HOMER2: variants seen among roughly 807,000 people sequenced by gnomAD.
HOMER2 encodes homer scaffold protein 2, also known as homer protein homolog 2.
Under a neutral mutation model 47.0 loss-of-function variants are expected in HOMER2, and 27 were observed. The ratio of observed to expected loss-of-function variants is 0.57; its 90% confidence interval spans 0.42 to 0.79. The LOEUF (loss-of-function observed/expected upper bound fraction) is 0.79, where lower values mean the gene tolerates loss of function less well. HOMER2 is among the 30% of genes least tolerant of loss of function. The pLI, the probability that HOMER2 is intolerant of heterozygous loss-of-function variation, is 0.00. For missense variants in HOMER2, 443 were observed against 435.0 expected, an observed-to-expected ratio of 1.02 and a Z score of -0.16; for synonymous variants, 161 against 163.8, an observed-to-expected ratio of 0.98 and a Z score of 0.13.
intron 1 of HOMER2, among the ~76,000 whole-genome samples, chr15:82,901,948 C>T (rs946575223): frequency 6.6e-6 from 1 of 152,200 alleles, no homozygotes; most frequent in African/African-American, 2.4e-5. Flanking sequence ...CAGGTGTATT[C>T]TTGCTCTGAC....
intron 2 of HOMER2, among the ~76,000 whole-genome samples, chr15:82,877,457 C>T (rs2052388429): frequency 1.3e-5 from 2 of 152,124 alleles, no homozygotes; most frequent in Non-Finnish European, 1.5e-5. Flanking sequence ...TCGTGAACCA[C>T]CGCACCTGGC....
At chr15:82,856,807 G>A (rs902716982) in intron 5 of HOMER2, among the ~76,000 whole-genome samples, 1 of 152,176 alleles carries the variant, frequency 6.6e-6, no homozygotes, top group Non-Finnish European at 1.5e-5. Context: ...AGCTGAGTTG[G>A]AGAGCTGGGG....
chr15:82,934,663 C>T (rs191936746), intron 1 of HOMER2, among the ~76,000 whole-genome samples: 1 of 152,300 alleles, frequency 6.6e-6, no homozygotes, highest in South Asian at 2.1e-4. Flanking sequence ...ATCCTGCCCC[C>T]CTGCCTGGCC....
chr15:82,938,034 A>G (rs2054179488), intron 1 of HOMER2, among the ~76,000 whole-genome samples: 1 of 152,056 alleles, frequency 6.6e-6, no homozygotes, highest in South Asian at 2.1e-4. Context: ...TTCTTGATCT[A>G]CCCTCCGGTT....
At chr15:82,869,097 A>C (rs866555167) in intron 3 of HOMER2, among the ~76,000 whole-genome samples, 1 of 152,334 alleles carries the variant, frequency 6.6e-6, no homozygotes, top group Middle Eastern at 3.4e-3. Context: ...GCTCCTCTCG[A>C]CACACTGCCT....
At chr15:82,875,812 CCA>C (rs1487138930) in intron 2 of HOMER2, among the ~76,000 whole-genome samples, 1 of 152,210 alleles carries the variant, frequency 6.6e-6, no homozygotes, top group African/African-American at 2.4e-5. Flanking sequence ...ACCTGGAGCC[CCA>C]GTGTCCAACT....
At chr15:82,862,560 T>C (rs961388652) in intron 4 of HOMER2, among the ~76,000 whole-genome samples, 6 of 152,176 alleles carry the variant, frequency 3.9e-5, no homozygotes, top group Non-Finnish European at 8.8e-5. Context: ...AAAGATAGTA[T>C]ATTAGAAACT....
chr15:82,927,753 G>A (rs1017929600), intron 1 of HOMER2, among the ~76,000 whole-genome samples: 3 of 152,006 alleles, frequency 2.0e-5, no homozygotes, highest in Admixed American at 6.6e-5. Flanking sequence ...GGTGGATCAC[G>A]TGAAGTCAGG....
At chr15:82,835,315 T>G (rs993916985), downstream of HOMER2, 2 of 152,134 alleles carry the variant, frequency 1.3e-5, no homozygotes, top group Non-Finnish European at 2.9e-5. Flanking sequence ...TTAGTAGAGA[T>G]GGGGTTTCAC....
chr15:82,882,651 A>G (rs1340975801), intron 2 of HOMER2, among the ~76,000 whole-genome samples: 1 of 152,224 alleles, frequency 6.6e-6, no homozygotes, highest in Non-Finnish European at 1.5e-5. Context: ...CTGCTTCCAG[A>G]AGGAGGAGAG....
rs557230478 is a variant in HOMER2 at position 82,976,551 on chromosome 15, G to A, written n.82+9236C>T. On this transcript the variant is annotated intron_variant and non_coding_transcript_variant, in intron 1 of 1. Coordinates refer to the HOMER2 transcript ENST00000500334. ...TGACCTCAGGTGATCCACCCGCCTC[G>A]GCTTCCCAAAGTGCTAGGATTACAG... Among the ~76,000 whole-genome samples, 109 of 151,888 alleles carry A rather than the reference G, an allele frequency of 7.2e-4. 1 individual carries two copies. Among genetic ancestry groups the A allele is most frequent in the African/African-American group, 2.3e-3 (94 of 41,396 alleles).
Position 82,859,089 on chromosome 15 carries a change from C to A in HOMER2, c.434G>T (p.Gly145Val), listed in dbSNP as rs747212398. 2 of 1,614,006 alleles carry A rather than the reference C, an allele frequency of 1.2e-6. No homozygotes were observed. Among genetic ancestry groups the A allele is most frequent in the East Asian group, 2.2e-5 (1 of 44,880 alleles). The stretch of plus-strand genomic sequence containing the variant: ...AGACTTCAGGTGTGTGTTGGCTGGA[C>A]CGGCGTGAGAGGCCTTTTCATCGTC... Reference protein sequence around the residue: ...GTDDEKASHAGPANTHLKSEN... With the variant: ...GTDDEKASHAVPANTHLKSEN... The change falls in exon 5 of 9, where the codon GGT becomes GTT. Residue 145 changes from glycine to valine, a missense_variant. Physicochemically the swap from Gly to Val is moderately radical, Grantham distance 109 (BLOSUM62 -3). Transcript: ENST00000450735.
At chr15:82,969,131 T>G (rs1396862260) in intron 1 of HOMER2, among the ~76,000 whole-genome samples, 1 of 152,236 alleles carries the variant, frequency 6.6e-6, no homozygotes, top group East Asian at 1.9e-4. Context: ...GTTAAATAGC[T>G]GCTTAAAACT....
downstream of HOMER2, among the ~76,000 whole-genome samples, chr15:82,848,617 C>T (rs925125049): frequency 3.9e-5 from 6 of 152,332 alleles, no homozygotes; most frequent in Non-Finnish European, 5.9e-5. Context: ...TCTCTCCCCC[C>T]GAAATGCCTG....
At chr15:82,879,107 C>T (rs1016593726) in intron 2 of HOMER2, among the ~76,000 whole-genome samples, 1 of 152,150 alleles carries the variant, frequency 6.6e-6, no homozygotes, top group Non-Finnish European at 1.5e-5. Flanking sequence ...TTTTTTAGTT[C>T]TAGAATGTCC....
rs543411870 is a variant in HOMER2 at position 82,969,653 on chromosome 15, C to T, written n.83-10345G>A. 9.2e-5 allele frequency among the ~76,000 whole-genome samples: 14 copies of T among 152,172 alleles called. No homozygotes were observed. The South Asian group carries it at 1.2e-3, about 14-fold the overall frequency. ...TACAATAAATGTTTACTTAAAGAGA[C>T]GAAGAGACATCTAAGTGCATACAGT... On this transcript the variant is annotated intron_variant and non_coding_transcript_variant, in intron 1 of 1. Transcript: ENST00000500334.
intron 1 of HOMER2, chr15:82,952,133 T>C (rs1326082930): frequency 1.3e-6 from 1 of 771,898 alleles, no homozygotes; most frequent in African/African-American, 1.9e-5. Flanking sequence ...TCCATTTTGC[T>C]TGTAATAAAT....
intron 1 of HOMER2, among the ~76,000 whole-genome samples, chr15:82,967,256 A>C (rs1678451764): frequency 6.6e-6 from 1 of 152,158 alleles, no homozygotes; most frequent in African/African-American, 2.4e-5. Flanking sequence ...GTCTCAATAA[A>C]TAACTAAATA....
rs191041726 is a variant in HOMER2 at position 82,924,923 on chromosome 15, T to C, written c.5+27608A>G. 3.3e-5 allele frequency among the ~76,000 whole-genome samples: 5 copies of C among 152,328 alleles called. No homozygotes were observed. In the East Asian group the frequency reaches 7.7e-4, roughly 24 times the overall value. On this transcript the variant is annotated intron_variant, in intron 1 of 8. Coordinates refer to ENST00000450735, the MANE Select transcript of HOMER2 (RefSeq NM_004839.4). ...CCAGGGTCCCTTTACTTTGTTCCAT[T>C]GTGCATATCATCAGTTATTTCCCAC...
Sources: allele counts gnomAD v4.1 joint callset (sites outside exome capture counted in the v4.1 genomes callset), GRCh38; gene constraint gnomAD v4.1.1; transcripts MANE v1.5; gene names NCBI Gene and HGNC (gene_info 2026-07-23, HGNC 2026-07-21).